The following FCSK variants were observed in gnomAD, a reference collection of about 807,000 sequenced individuals.
FCSK encodes fucose kinase.
In FCSK, 123 loss-of-function variants were observed where a neutral mutation model predicts 122.5. The ratio of observed to expected loss-of-function variants is 1.00; its 90% CI spans 0.87 to 1.17. The LOEUF is 1.17. Among genes scored for constraint, FCSK ranks in the 50% most tolerant of loss-of-function variants. The pLI is 0.00. For missense variants in FCSK, 1,366 were observed against 1,450.4 expected (o/e 0.94, Z 0.95); for synonymous variants, 620 against 625.5 (o/e 0.99, Z 0.13).
intron 19 of FCSK, 23 bp downstream of exon 19, chr16:70,475,516 T>C (rs768095716): frequency 7.3e-5 from 117 of 1,600,346 alleles, no homozygotes; most frequent in Non-Finnish European, 9.9e-5. Context: ...TGCCTCCTGC[T>C]ACCCACCGAC....
In FCSK at chr16:70,473,342, C is replaced by T. The variant is rs1180383871; in HGVS notation, c.1766C>T (p.Thr589Met). ...GGCTGCCCCGGGCCCCTGCTGGCCA[C>T]GCTGGACCAGGGTGAGTGTGCAGGC... is the stretch of plus-strand genomic sequence containing the variant. ...REGCPGPLLATLDQVAAGAGD... is the reference protein window; with the variant it reads ...REGCPGPLLAMLDQVAAGAGD... Residue 589 changes from threonine (T) to methionine (M), a missense_variant, in exon 15 of 24, where the codon ACG becomes ATG. Physicochemically the swap from Thr to Met is moderately conservative, Grantham distance 81 (BLOSUM62 -1). Transcript: ENST00000288078. The surrounding 1 kb of genome is among the most constrained non-coding windows in gnomAD (Gnocchi z 4.9). 4.0e-6 allele frequency: 6 copies of T among 1,503,722 alleles called. No homozygotes were observed. Among genetic ancestry groups the T allele is most frequent in the Admixed American group, 2.1e-5 (1 of 47,580 alleles). The allele number at this position is 1,503,722 out of a possible 1,614,324, so 93.1% of individuals were successfully genotyped here. A position where few individuals can be genotyped will look rare whatever the true frequency, so the allele number is the denominator to read the frequency against.
At chr16:70,471,127 G>T (rs1344389816) in intron 12 of FCSK, 55 bp downstream of exon 12, 2 of 1,589,002 alleles carry the variant, frequency 1.3e-6, no homozygotes, top group African/African-American at 1.3e-5. Context: ...TCCCGCATGT[G>T]TTGGGGGGTG....
chr16:70,465,530 C>T (rs980225739), intron 4 of FCSK, among the ~76,000 whole-genome samples: 3 of 151,922 alleles, frequency 2.0e-5, no homozygotes, highest in African/African-American at 7.3e-5. Flanking sequence ...TGGTGGTGCA[C>T]ACCTGTAGTC....
intron 20 of FCSK, 177 bp from the exon 21 acceptor site, chr16:70,478,095 C>G: frequency 1.6e-6 from 1 of 623,966 alleles, no homozygotes; most frequent in East Asian, 2.8e-5. Context: ...GAGTGAAGCC[C>G]ATTCCCTTGC....
Position 70,474,980 on chromosome 16 carries a change from C to G in FCSK, c.2346C>G (p.Asp782Glu), listed in dbSNP as rs764870652. ...TVKIVCRCLA[D>E]LRDYCQPHAP... ...AGATAGTGTGCCGGTGCCTGGCTGA[C>G]CTGCGGGACTACTGCCAGCCTCATG... The change falls in exon 18 of 24, where the codon GAC becomes GAG. Residue 782 changes from aspartate (D) to glutamate (E), a missense_variant. By Grantham distance (45) the Asp-to-Glu change is conservative (BLOSUM62 2). Coordinates refer to ENST00000288078, the MANE Select transcript of FCSK (RefSeq NM_145059.3). The G allele has an allele frequency of 6.2e-7, 1 of 1,608,620 alleles. No homozygotes were observed. The highest frequency in any genetic ancestry group is 1.1e-5 in the South Asian group (1 of 90,296).
chr16:70,469,534 T>C (rs2048542261), intron 10 of FCSK, among the ~76,000 whole-genome samples: 1 of 152,084 alleles, frequency 6.6e-6, no homozygotes. Context: ...CTGTCCACTT[T>C]TGTTTCTGTT....
intron 1 of FCSK, among the ~76,000 whole-genome samples, chr16:70,456,007 G>T (rs547298580): frequency 6.6e-6 from 1 of 151,760 alleles, no homozygotes; most frequent in Non-Finnish European, 1.5e-5. Flanking sequence ...ACAAAGGGAG[G>T]CCCCATCTCA....
intron 20 of FCSK, among the ~76,000 whole-genome samples, chr16:70,477,118 C>A (rs1469871533): frequency 6.6e-6 from 1 of 152,228 alleles, no homozygotes; most frequent in Non-Finnish European, 1.5e-5. Context: ...ATACTTTAAA[C>A]CCTTGCAGGC....
Position 70,472,574 on chromosome 16 carries a change from T to G in FCSK, c.1375T>G (p.Trp459Gly). ...QGAGTYLNVP[W>G]SEFFKRTGVR... ...GGCAGGCACATATCTCAACGTGCCC[T>G]GGAGTGAATTCTTCAAGAGGACAGG... Residue 459 changes from tryptophan to glycine, a missense_variant, in exon 14 of 24, where the codon TGG becomes GGG. Physicochemically the swap from Trp to Gly is radical, Grantham distance 184 (BLOSUM62 -2). Coordinates refer to ENST00000288078, the MANE Select transcript of FCSK (RefSeq NM_145059.3). 6.2e-7 allele frequency: 1 copy of G among 1,613,346 alleles called. No individual in the cohort carries two copies. Among genetic ancestry groups the G allele is most frequent in the Non-Finnish European group, 8.5e-7 (1 of 1,179,672 alleles).
chr16:70,468,026 GT>G, intron 8 of FCSK, 60 bp downstream of exon 8: 1 of 1,291,730 alleles, frequency 7.7e-7, no homozygotes, highest in Non-Finnish European at 1.1e-6. Flanking sequence ...GGGAGGGAGG[GT>G]CTGACTTCCT....
rs1457130070 is a variant in FCSK, at chr16:70,478,451, C to G, written c.2821C>G (p.Leu941Val). Residue 941 changes from leucine (L) to valine (V), a missense_variant, in exon 21 of 24, where the codon CTG (leucine) becomes GTG (valine). By Grantham distance (32) the Leu-to-Val change is conservative. Transcript: ENST00000288078. ...TGGCAAGACCCGCCTGGCTCGGAAC[C>G]TGCTGCAGGTGAGCTCTGGCCCCAG... ...YTGKTRLARN[L>V]LQDVLRSWYA... The G allele has an allele frequency of 2.5e-6, 4 of 1,614,046 alleles. No homozygotes were observed. Among genetic ancestry groups the G allele is most frequent in the Non-Finnish European group, 3.4e-6 (4 of 1,180,030 alleles).
At chr16:70,478,766 G>GAGGCC in intron 22 of FCSK, 116 bp downstream of exon 22, 1 of 846,078 alleles carries the variant, frequency 1.2e-6, no homozygotes, top group Non-Finnish European at 1.9e-6. Context: ...TCGGCCTCTG[G>GAGGCC]GAACAGAAGC....
chr16:70,479,344 C>T lies in FCSK; in HGVS notation c.3094C>T (p.Leu1032=), dbSNP rs528230423. Residue 1032 remains leucine, a synonymous_variant, in exon 23 of 24, where the codon CTG becomes TTG. Transcript: ENST00000288078. ...GGCAGGCGGTGGAGGCTTTCTCTAT[C>T]TGTTGACCAAGGAGCCACAGCAAAA... ...AGAGGGGFLY[L]LTKEPQQKEA... is the part of the protein sequence containing the mutation. 7 of 1,614,006 alleles carry T rather than the reference C, an allele frequency of 4.3e-6. No individual in the cohort carries two copies. The highest frequency in any genetic ancestry group is 2.2e-5 in the East Asian group (1 of 44,890).
chr16:70,467,738 C>A (rs2048468255), intron 7 of FCSK, 148 bp from the exon 8 acceptor site: 2 of 696,622 alleles, frequency 2.9e-6, no homozygotes, highest in African/African-American at 3.5e-5. Flanking sequence ...GAGTAGAAAT[C>A]TCAGGCCCCC....
Position 70,479,651 on chromosome 16 carries a change from G to A in FCSK, c.3226G>A (p.Glu1076Lys), listed in dbSNP as rs201547486. The A allele has an allele frequency of 6.1e-5, 98 of 1,614,068 alleles. No individual in the cohort carries two copies. In the African/African-American group the frequency reaches 1.0e-3, roughly 16 times the overall value. The change falls in exon 24 of 24, where the codon GAG becomes AAG. Residue 1076 changes from glutamate (E) to lysine (K), a missense_variant. Coordinates refer to ENST00000288078, the MANE Select transcript of FCSK (RefSeq NM_145059.3). The part of the protein sequence containing the change: ...QGLSLKLLGT[E>K]ASTCCPFP The stretch of plus-strand genomic sequence containing the variant: ...CCTGAGCCTGAAGCTGCTGGGGACC[G>A]AGGCCTCAACCTGTTGCCCTTTCCC...
At chr16:70,469,513 G>T (rs1182913437) in intron 10 of FCSK, among the ~76,000 whole-genome samples, 190 bp downstream of exon 10, 1 of 151,990 alleles carries the variant, frequency 6.6e-6, no homozygotes, top group Non-Finnish European at 1.5e-5. Flanking sequence ...TCATTCCTGG[G>T]CTCTCCCAGC....
chr16:70,465,430 G>A (rs1445741939), intron 4 of FCSK, among the ~76,000 whole-genome samples: 1 of 151,606 alleles, frequency 6.6e-6, no homozygotes, highest in Non-Finnish European at 1.5e-5. Context: ...AGGCCAAGGC[G>A]GGAGGATTGC....
At chr16:70,463,811 C>T (rs2048337134) in intron 3 of FCSK, 37 bp downstream of exon 3, 6 of 1,568,122 alleles carry the variant, frequency 3.8e-6, no homozygotes, top group African/African-American at 1.4e-5. Context: ...TGGTCTGTGT[C>T]CCTGCTGGAA....
intron 15 of FCSK, 31 bp from the exon 16 acceptor site, chr16:70,474,097 TC>T: frequency 6.5e-7 from 1 of 1,543,072 alleles, no homozygotes; most frequent in Non-Finnish European, 8.8e-7. Flanking sequence ...ACAGGCCTCC[TC>T]CCCTGCCACC....
Sources: gnomAD v4.1 joint callset for allele counts (sites outside exome capture counted in the v4.1 genomes callset) on GRCh38, gnomAD v4.1.1 for gene constraint, Gnocchi (gnomAD v3.1) non-coding constraint, MANE v1.5 for transcripts, NCBI Gene and HGNC (gene_info 2026-07-23, HGNC 2026-07-21) for gene names.